Variants in PCDH9 observed in about 807,000 individuals in gnomAD.
PCDH9 encodes the protein protocadherin 9.
A neutral mutation model predicts 70.6 loss-of-function variants in PCDH9; 24 were observed. The observed-to-expected ratio is 0.34, with a 90% CI of 0.25 to 0.48. The LOEUF (loss-of-function observed/expected upper bound fraction) is 0.48. PCDH9 is among the 20% of genes least tolerant of loss of function. The pLI is 0.99. For synonymous variants in PCDH9, 562 were observed against 558.5 expected, an observed-to-expected ratio of 1.01 and a Z score of -0.09; for missense variants, 1,281 against 1,503.6, an observed-to-expected ratio of 0.85 and a Z score of 2.45.
intron 2 of PCDH9, among the ~76,000 whole-genome samples, chr13:67,164,401 C>T (rs967653722): frequency 1.3e-5 from 2 of 151,582 alleles, no homozygotes; most frequent in Non-Finnish European, 2.9e-5. Flanking sequence ...ATAATGAAAC[C>T]CTGTCTCTAA....
intron 3 of PCDH9, among the ~76,000 whole-genome samples, chr13:66,799,098 C>T (rs902673257): frequency 3.3e-5 from 5 of 152,124 alleles, no homozygotes; most frequent in Admixed American, 3.3e-4. Context: ...GGATTACAGG[C>T]GTGAGCCACC....
chr13:66,717,470 AAAAAAAAAAAATATATATAT>A (rs1361256460), intron 3 of PCDH9, among the ~76,000 whole-genome samples: 1 of 37,130 alleles, frequency 2.7e-5, no homozygotes, highest in Admixed American at 5.6e-4. Flanking sequence ...AAAAAAAAAA[AAAAAAAAAAAATATATATAT>A]ATATATATAT....
chr13:66,490,002 T>G (rs548644621), intron 4 of PCDH9, among the ~76,000 whole-genome samples: 9 of 152,282 alleles, frequency 5.9e-5, no homozygotes, highest in Non-Finnish European at 1.5e-5. Context: ...CTATTGTACT[T>G]TAAGTTCTAG....
At chr13:66,894,567 TAACTATAACTG>T (rs1177646443) in intron 3 of PCDH9, among the ~76,000 whole-genome samples, 1 of 152,088 alleles carries the variant, frequency 6.6e-6, no homozygotes, top group Non-Finnish European at 1.5e-5. Context: ...ATGATAAGAC[TAACTATAACTG>T]AACCTCCATT....
chr13:66,842,358 T>C (rs2081130531), intron 3 of PCDH9, among the ~76,000 whole-genome samples: 1 of 152,140 alleles, frequency 6.6e-6, no homozygotes, highest in Non-Finnish European at 1.5e-5. Context: ...CATAGTAAAT[T>C]AATTCTAATG....
At chr13:67,014,235 G>T (rs17082027) in intron 2 of PCDH9, among the ~76,000 whole-genome samples, 3,529 of 152,146 alleles carry the variant, frequency 0.023, 130 homozygotes, top group African/African-American at 0.079. Flanking sequence ...AGCCTGGCCA[G>T]TAAGTAAGAT....
chr13:66,598,197 A>G (rs1433792898), intron 4 of PCDH9, among the ~76,000 whole-genome samples: 1 of 151,808 alleles, frequency 6.6e-6, no homozygotes, highest in Admixed American at 6.6e-5. Context: ...AATTTAAAAT[A>G]GAACTGTAAT....
chr13:66,994,403 A>T (rs1215259435), intron 2 of PCDH9, among the ~76,000 whole-genome samples: 1 of 152,172 alleles, frequency 6.6e-6, no homozygotes, highest in Non-Finnish European at 1.5e-5. Context: ...TACTGGCCAA[A>T]CTTATTAAGA....
intron 4 of PCDH9, among the ~76,000 whole-genome samples, chr13:66,449,188 A>C (rs1005552937): frequency 6.6e-5 from 10 of 152,162 alleles, no homozygotes; most frequent in African/African-American, 1.2e-4. Flanking sequence ...TTAAATACCC[A>C]ATTAGCCACT....
intron 2 of PCDH9, among the ~76,000 whole-genome samples, chr13:67,151,459 G>A (rs746192688): frequency 6.6e-6 from 1 of 152,044 alleles, no homozygotes; most frequent in Non-Finnish European, 1.5e-5. Flanking sequence ...GCAGAATTGG[G>A]TTCTACTGGT....
chr13:66,405,678 C>T (rs528799970), intron 4 of PCDH9, among the ~76,000 whole-genome samples: 1 of 152,204 alleles, frequency 6.6e-6, no homozygotes, highest in Admixed American at 6.5e-5. Context: ...TTTACTCTGG[C>T]CTTCAAAAGG....
chr13:66,810,076 T>C (rs1388197268), intron 3 of PCDH9, among the ~76,000 whole-genome samples: 2 of 152,142 alleles, frequency 1.3e-5, no homozygotes, highest in Non-Finnish European at 2.9e-5. Flanking sequence ...GTTTGTGGAA[T>C]TATACTTTAT....
At chr13:66,345,599 A>C (rs757000936) in intron 4 of PCDH9, among the ~76,000 whole-genome samples, 5 of 152,234 alleles carry the variant, frequency 3.3e-5, no homozygotes, top group Non-Finnish European at 5.9e-5. Context: ...TTTTTATTCC[A>C]TCTTGGCAAG....
At chr13:66,551,939 T>A (rs1298933969) in intron 4 of PCDH9, among the ~76,000 whole-genome samples, 3 of 152,150 alleles carry the variant, frequency 2.0e-5, no homozygotes, top group Non-Finnish European at 2.9e-5. Flanking sequence ...GTATGTGATT[T>A]TTGTATCATT....
At chr13:66,720,189 G>C (rs1025845374) in intron 3 of PCDH9, among the ~76,000 whole-genome samples, 1 of 151,816 alleles carries the variant, frequency 6.6e-6, no homozygotes, top group Non-Finnish European at 1.5e-5. Context: ...GTCTCACTCT[G>C]TTACCCAGGC....
At chr13:66,315,001 G>A (rs1181871854) in intron 4 of PCDH9, among the ~76,000 whole-genome samples, 4 of 152,200 alleles carry the variant, frequency 2.6e-5, no homozygotes, top group South Asian at 2.1e-4. Flanking sequence ...GTTTTCTCCA[G>A]CTGGTGGCAG....
chr13:67,101,170 C>A (rs189151848), intron 2 of PCDH9, among the ~76,000 whole-genome samples: 75 of 152,318 alleles, frequency 4.9e-4, no homozygotes, highest in Non-Finnish European at 2.2e-4. Flanking sequence ...ATATAGTAAA[C>A]ATTGATTCTC....
At chr13:66,421,068 G>A (rs150497302) in intron 4 of PCDH9, among the ~76,000 whole-genome samples, 7 of 151,402 alleles carry the variant, frequency 4.6e-5, no homozygotes, top group Non-Finnish European at 1.0e-4. Flanking sequence ...TCAAGCAGAA[G>A]AAAGAATATC....
At chr13:66,387,543 T>TTA (rs35409929) in intron 4 of PCDH9, among the ~76,000 whole-genome samples, 3 of 115,488 alleles carry the variant, frequency 2.6e-5, no homozygotes, top group East Asian at 5.7e-4. Context: ...GATCTGGTGG[T>TTA]AAAAAAAAAA....
Sources: gnomAD v4.1 joint callset for allele counts (sites outside exome capture counted in the v4.1 genomes callset) on GRCh38, gnomAD v4.1.1 for gene constraint, MANE v1.5 for transcripts, NCBI Gene and HGNC (gene_info 2026-07-23, HGNC 2026-07-21) for gene names.